Variants in SLC6A11 observed in about 807,000 individuals in gnomAD.
SLC6A11 encodes solute carrier family 6 member 11, also known as sodium- and chloride-dependent GABA transporter 3.
Under a neutral mutation model 74.8 loss-of-function variants are expected in SLC6A11, and 25 were observed. The observed-to-expected ratio is 0.33, with a 90% confidence interval of 0.24 to 0.47. The LOEUF (loss-of-function observed/expected upper bound fraction) is 0.47, where lower values mean the gene tolerates loss of function less well. Ranked by LOEUF, SLC6A11 falls within the 20% of genes least tolerant of loss-of-function variation. SLC6A11 has a pLI of 1.00. For missense variants in SLC6A11, 574 were observed against 837.0 expected, an observed-to-expected ratio of 0.69 and a Z score of 3.88; for synonymous variants, 330 against 330.2, an observed-to-expected ratio of 1.00 and a Z score of 0.01.
chr3:10,913,402 T>A (rs1410862078), intron 7 of SLC6A11, among the ~76,000 whole-genome samples: 1 of 152,192 alleles, frequency 6.6e-6, no homozygotes, highest in Non-Finnish European at 1.5e-5. Context: ...AAGTCAGAGG[T>A]GGGGAGGTGG....
At chr3:10,823,672 T>G (rs946541562) in intron 4 of SLC6A11, 12 of 339,312 alleles carry the variant, frequency 3.5e-5, no homozygotes, top group Non-Finnish European at 6.1e-5. Context: ...ATAGACAGTT[T>G]AAAAATTCAT....
chr3:10,832,835 C>A (rs558009879), intron 4 of SLC6A11, among the ~76,000 whole-genome samples: 1 of 152,194 alleles, frequency 6.6e-6, no homozygotes, highest in Admixed American at 6.5e-5. Flanking sequence ...CAAAAGTGAT[C>A]TGTGTCCTTT....
rs1695485068 is a variant in SLC6A11 at position 10,918,263 on chromosome 3, G to A, written c.996-66G>A. 3 of 1,470,464 alleles carry A rather than the reference G, an allele frequency of 2.0e-6. No homozygotes were observed. The highest frequency in any genetic ancestry group is 2.6e-5 in the East Asian group (1 of 37,766). The allele number at this position is 1,470,464 out of a possible 1,614,324, so 91.1% of individuals were successfully genotyped here. On this transcript the variant is annotated intron_variant, in intron 7 of 13. Transcript: ENST00000254488. The surrounding 1 kb of genome is among the most constrained non-coding windows in gnomAD (Gnocchi z 4.5). The stretch of plus-strand genomic sequence containing the variant: ...AGGACAGCCATGGTGCTCGGGTGGA[G>A]AACGTTTGAGCCGTGCACCGGTTCT...
At chr3:10,830,833 G>A (rs1472701903) in intron 4 of SLC6A11, among the ~76,000 whole-genome samples, 1 of 152,150 alleles carries the variant, frequency 6.6e-6, no homozygotes, top group East Asian at 1.9e-4. Context: ...TGGGATGCCT[G>A]CAAATGTTCT....
chr3:10,835,908 C>T (rs903315203), intron 4 of SLC6A11, among the ~76,000 whole-genome samples: 10 of 152,210 alleles, frequency 6.6e-5, no homozygotes, highest in Non-Finnish European at 4.4e-5. Context: ...ATAAAATGCA[C>T]TCCTTTTAAG....
chr3:10,856,989 A>G (rs540848254), intron 5 of SLC6A11, among the ~76,000 whole-genome samples: 10 of 152,282 alleles, frequency 6.6e-5, no homozygotes, highest in African/African-American at 2.2e-4. Flanking sequence ...GAACACCCCA[A>G]TGTTAGTCTC....
intron 5 of SLC6A11, among the ~76,000 whole-genome samples, chr3:10,847,818 T>C (rs1694523744): frequency 6.6e-6 from 1 of 152,220 alleles, no homozygotes; most frequent in African/African-American, 2.4e-5. Flanking sequence ...TCCAAAGGTT[T>C]TTTGGAGTTC....
At chr3:10,876,784 GAA>G (rs1188533364) in intron 6 of SLC6A11, among the ~76,000 whole-genome samples, 11 of 78,090 alleles carry the variant, frequency 1.4e-4, no homozygotes, top group South Asian at 1.2e-3. Context: ...GAGAGAGAGA[GAA>G]AAAAAAAAAA....
intron 4 of SLC6A11, among the ~76,000 whole-genome samples, chr3:10,828,595 A>G (rs1694248492): frequency 6.6e-6 from 1 of 152,062 alleles, no homozygotes; most frequent in South Asian, 2.1e-4. Context: ...CTTTAGATGT[A>G]CGGGCCTTGT....
rs1695493907 is a variant in SLC6A11, at chr3:10,918,755, G to A, written c.1120+302G>A. ...CCGGACCACCATCACTGCTCACCTG[G>A]ATGGCTCAGAAACCTTTCCCTGGAC... On this transcript the variant is annotated intron_variant, in intron 8 of 13. Coordinates refer to ENST00000254488, the MANE Select transcript of SLC6A11 (RefSeq NM_014229.3). The surrounding 1 kb of genome is among the most constrained non-coding windows in gnomAD (Gnocchi z 4.5). Among the ~76,000 whole-genome samples the A allele has an allele frequency of 1.3e-5, 2 of 151,912 alleles. No individual in the cohort carries two copies. Among genetic ancestry groups the A allele is most frequent in the African/African-American group, 4.8e-5 (2 of 41,440 alleles).
rs182802427 is a variant in SLC6A11 at position 10,901,437 on chromosome 3, G to A, written c.892-10653G>A. Among the ~76,000 whole-genome samples the A allele has an allele frequency of 2.6e-4, 39 of 152,336 alleles. No homozygotes were observed. The East Asian group carries it at 5.6e-3, about 22-fold the overall frequency. On this transcript the variant is annotated intron_variant, in intron 6 of 13. Coordinates refer to ENST00000254488, the MANE Select transcript of SLC6A11 (RefSeq NM_014229.3). ...GCACAGGATTGAACGGCTCCTCACC[G>A]CCCGCAGCGCAACCCTTTAGCCCAG...
chr3:10,885,335 A>AATAGGACTTGAT (rs1476766593), intron 6 of SLC6A11, among the ~76,000 whole-genome samples: 2 of 152,096 alleles, frequency 1.3e-5, no homozygotes, highest in Non-Finnish European at 2.9e-5. Flanking sequence ...CCTCTAACTC[A>AATAGGACTTGAT]ATAGGACTTG....
At chr3:10,839,926 G>A (rs1300576741) in intron 4 of SLC6A11, among the ~76,000 whole-genome samples, 1 of 152,154 alleles carries the variant, frequency 6.6e-6, no homozygotes, top group Admixed American at 6.5e-5. Flanking sequence ...GCCCCAGGCA[G>A]TCCTCTTGTG....
chr3:10,913,915 G>C (rs1695420854), intron 7 of SLC6A11, among the ~76,000 whole-genome samples: 1 of 152,054 alleles, frequency 6.6e-6, no homozygotes, highest in Non-Finnish European at 1.5e-5. Flanking sequence ...GGATGGTCTT[G>C]ATCTCCTGAC....
intron 6 of SLC6A11, among the ~76,000 whole-genome samples, chr3:10,895,618 G>A (rs1276569255): frequency 6.6e-6 from 1 of 152,206 alleles, no homozygotes; most frequent in African/African-American, 2.4e-5. Context: ...GGGAGGGAGA[G>A]CATCAGGATA....
chr3:10,917,795 C>A (rs1048075096), intron 7 of SLC6A11, among the ~76,000 whole-genome samples: 1 of 152,168 alleles, frequency 6.6e-6, no homozygotes, highest in Non-Finnish European at 1.5e-5. Flanking sequence ...AGCCAGACTG[C>A]GGTCTGGCAG....
intron 4 of SLC6A11, among the ~76,000 whole-genome samples, chr3:10,838,114 C>T (rs762454085): frequency 2.6e-5 from 4 of 152,208 alleles, no homozygotes; most frequent in East Asian, 1.9e-4. Flanking sequence ...CGGCTCCGTG[C>T]ACGACATGAA....
chr3:10,914,786 G>A (rs549572650), intron 7 of SLC6A11, among the ~76,000 whole-genome samples: 16 of 152,278 alleles, frequency 1.1e-4, no homozygotes, highest in African/African-American at 3.8e-4. Context: ...CTTCCGGGCT[G>A]GGCCAAGTCT....
intron 6 of SLC6A11, among the ~76,000 whole-genome samples, chr3:10,875,699 TTGGTTGTTCTGAA>T (rs1368304215): frequency 6.6e-6 from 1 of 152,194 alleles, no homozygotes; most frequent in Admixed American, 6.5e-5. Flanking sequence ...TGGTAAGGCA[TTGGTTGTTCTGAA>T]TGGTGGGCAG....
Sources: gnomAD v4.1 joint callset for allele counts (sites outside exome capture counted in the v4.1 genomes callset) on GRCh38, gnomAD v4.1.1 for gene constraint, Gnocchi (gnomAD v3.1) non-coding constraint, MANE v1.5 for transcripts, NCBI Gene and HGNC (gene_info 2026-07-23, HGNC 2026-07-21) for gene names.